Variants in FMR1 observed in about 807,000 individuals in gnomAD.
FMR1 encodes the protein fragile X messenger ribonucleoprotein 1.
In FMR1, 13 loss-of-function variants were observed where a neutral mutation model predicts 50.6. The observed-to-expected ratio is 0.26, with a 90% CI of 0.17 to 0.41. FMR1 has a LOEUF of 0.41. Among genes scored for constraint, FMR1 ranks in the 10% least tolerant of loss-of-function variants. The pLI is 1.00. For missense variants in FMR1, 316 were observed against 491.3 expected (o/e 0.64, Z 3.37); for synonymous variants, 138 against 164.1 (o/e 0.84, Z 1.22).
intron 16 of FMR1, 98 bp downstream of exon 16, chrX:147,945,714 A>G (rs1185702421): frequency 1.6e-6 from 1 of 630,088 alleles, no homozygotes; most frequent in Non-Finnish European, 2.6e-6. Context: ...TTCAAAGATT[A>G]CAAATCCAGT....
intron 7 of FMR1, among the ~76,000 whole-genome samples, chrX:147,931,182 A>G (rs1403410969): frequency 8.9e-6 from 1 of 111,875 alleles, no homozygotes; most frequent in East Asian, 2.8e-4. Flanking sequence ...TGATTCTCTC[A>G]TAACTTTTAG....
intron 4 of FMR1, 33 bp downstream of exon 4, chrX:147,928,426 T>C (rs377682030): frequency 3.1e-5 from 34 of 1,092,217 alleles, no homozygotes; most frequent in Non-Finnish European, 3.2e-5. Context: ...TTTTTTCTTA[T>C]ATTGTTTCCT....
At chrX:147,936,705 T>A in intron 10 of FMR1, 92 bp downstream of exon 10, 1 of 547,351 alleles carries the variant, frequency 1.8e-6, no homozygotes, top group South Asian at 2.6e-5. Context: ...GTGCATAAAG[T>A]GAATGCAAAT....
At chrX:147,920,412 C>T (rs2043103215) in intron 1 of FMR1, among the ~76,000 whole-genome samples, 1 of 111,792 alleles carries the variant, frequency 8.9e-6, no homozygotes, top group African/African-American at 3.3e-5. Context: ...CCATCCTCCA[C>T]TCTCTTTTGT....
At position 147,944,288 on chromosome X, in the gene FMR1, A is replaced by T. The variant is rs975152456; in HGVS notation, c.1472-581A>T. On this transcript the variant is annotated intron_variant, in intron 14 of 16. Coordinates refer to ENST00000370475, the MANE Select transcript of FMR1 (RefSeq NM_002024.6). ...TTCTTTATTAATGATCAATTATTGT[A>T]ATGGGAGTGGGAGGGCAGGTTGTGG... 3.9e-5 allele frequency: 29 copies of T among 751,581 alleles called. No individual in the cohort carries two copies. In the African/African-American group the frequency reaches 6.3e-4, roughly 16 times the overall value. 61.9% of individuals were successfully genotyped at this position (751,581 alleles called of 1,213,427 possible).
intron 12 of FMR1, among the ~76,000 whole-genome samples, chrX:147,939,527 C>T (rs1238932669): frequency 1.8e-5 from 2 of 111,234 alleles, no homozygotes; most frequent in African/African-American, 3.3e-5. Flanking sequence ...TTTGTGTGTA[C>T]TCTATTTACT....
rs1569546170 is a variant in FMR1, at chrX:147,949,375, AGTT to A, written c.*534_*536del. 1.2e-5 allele frequency: 4 copies of A among 327,508 alleles called. No individual in the cohort carries two copies. The highest frequency in any genetic ancestry group is 3.1e-5 in the Admixed American group (1 of 31,807). The allele number at this position is 327,508 out of a possible 1,213,427, so 27.0% of individuals were successfully genotyped here. On this transcript the variant is annotated 3_prime_UTR_variant, in exon 17 of 17. Transcript: ENST00000370475. ...ATTTGTCATTTTCATTAGCAAAAAA[AGTT>A]GTATGATCTGTGCCTTTTTTATATC...
At chrX:147,945,476 C>A in intron 15 of FMR1, 58 bp from the exon 16 acceptor site, 1 of 960,037 alleles carries the variant, frequency 1.0e-6, no homozygotes, top group Non-Finnish European at 1.5e-6. Flanking sequence ...GAATAAAGAA[C>A]TTCCAGTAAG....
chrX:147,912,164 C>G lies in FMR1; in HGVS notation c.-16C>G. The G allele has an allele frequency of 8.9e-7, 1 of 1,125,894 alleles. No individual in the cohort carries two copies. The allele number at this position is 1,125,894 out of a possible 1,213,427, so 92.8% of individuals were successfully genotyped here. Reference sequence around the variant, plus strand: ...CTCGGGGGCGGGCTCCCGGCGCTAGCAGGGCTGAAGAGAAGATGGAGGAGC... The same window carrying G: ...CTCGGGGGCGGGCTCCCGGCGCTAGGAGGGCTGAAGAGAAGATGGAGGAGC... On this transcript the variant is annotated 5_prime_UTR_variant, in exon 1 of 17. Coordinates refer to ENST00000370475, the MANE Select transcript of FMR1 (RefSeq NM_002024.6).
rs782494131 is a variant in FMR1, at chrX:147,934,271, G to A, written c.880+1508G>A. On this transcript the variant is annotated intron_variant, in intron 9 of 16. Transcript: ENST00000370475. ...CAGATTCATTAAAGTTGGTTTTGAA[G>A]ATGGCATGATGGTAGTGGGGAAAGT... 5.5e-5 allele frequency among the ~76,000 whole-genome samples: 6 copies of A among 109,613 alleles called. No homozygotes were observed. In the East Asian group the frequency reaches 1.7e-3, roughly 32 times the overall value.
chrX:147,917,715 C>T (rs1557175506), intron 1 of FMR1, among the ~76,000 whole-genome samples: 3 of 111,807 alleles, frequency 2.7e-5, no homozygotes. Flanking sequence ...ACTTTTCTCT[C>T]ATTTATTTAG....
Position 147,938,163 on chromosome X carries a change from T to C in FMR1, c.1188+2T>C. 1 of 1,178,800 alleles carries C rather than the reference T, an allele frequency of 8.5e-7. No individual in the cohort carries two copies. The highest frequency in any genetic ancestry group is 3.0e-5 in the East Asian group (1 of 33,701). ...AAACCTGAACTCAAGGCTTGGCAGGTAGGAAAACATTCCTTGAGAAATACA... is the reference window on the plus strand; with the variant it reads ...AAACCTGAACTCAAGGCTTGGCAGGCAGGAAAACATTCCTTGAGAAATACA... On this transcript the variant is annotated splice_donor_variant, in intron 12 of 16. Transcript: ENST00000370475. LOFTEE classifies it high-confidence loss of function.
intron 16 of FMR1, chrX:147,948,405 C>T: frequency 1.1e-6 from 1 of 941,948 alleles, no homozygotes; most frequent in Non-Finnish European, 1.3e-6. Flanking sequence ...CTGTTTTATT[C>T]TACTTAGAAG....
intron 11 of FMR1, 50 bp downstream of exon 11, chrX:147,937,650 A>G (rs1361861147): frequency 1.6e-6 from 1 of 637,864 alleles, no homozygotes; most frequent in Non-Finnish European, 2.7e-6. Context: ...TTTGTCTCAG[A>G]TGTCACAATT....
At chrX:147,931,098 G>A (rs1323045344) in intron 7 of FMR1, 1 of 111,509 alleles carries the variant, frequency 9.0e-6, no homozygotes, top group East Asian at 2.8e-4. Context: ...TAAGGCCATG[G>A]AGGTCTGTTT....
intron 1 of FMR1, chrX:147,914,196 G>T (rs892568949): frequency 1.8e-5 from 2 of 112,404 alleles, no homozygotes; most frequent in Non-Finnish European, 3.8e-5. Flanking sequence ...TTAGTTCCCT[G>T]AGGAGAAATG....
chrX:147,936,148 AG>A (rs1189332886), intron 9 of FMR1, among the ~76,000 whole-genome samples: 2 of 112,304 alleles, frequency 1.8e-5, no homozygotes, highest in African/African-American at 6.5e-5. Flanking sequence ...CTTTGCAGAA[AG>A]AATGATACAT....
At chrX:147,923,612 A>G (rs2043270940) in intron 2 of FMR1, among the ~76,000 whole-genome samples, 1 of 111,597 alleles carries the variant, frequency 9.0e-6, no homozygotes, top group Non-Finnish European at 1.9e-5. Context: ...CTTCTTTTTA[A>G]TTTTCAATCA....
chrX:147,941,965 T>G (rs2124561387), intron 13 of FMR1, among the ~76,000 whole-genome samples: 1 of 112,908 alleles, frequency 8.9e-6, no homozygotes, highest in East Asian at 2.8e-4. Context: ...TGGACTACTC[T>G]TCTGTTTTGC....
Sources: allele counts gnomAD v4.1 joint callset (sites outside exome capture counted in the v4.1 genomes callset), GRCh38; gene constraint gnomAD v4.1.1; transcripts MANE v1.5; gene names NCBI Gene and HGNC (gene_info 2026-07-23, HGNC 2026-07-21).